Variants in ZNF254 observed in about 807,000 individuals in gnomAD.
ZNF254 encodes zinc finger protein 254, also known as CTD-2017D11.1.
A neutral mutation model predicts 12.4 loss-of-function variants in ZNF254; 10 were observed. The observed-to-expected ratio is 0.80, with a 90% CI of 0.50 to 1.36. The LOEUF is 1.36. Among genes scored for constraint, ZNF254 ranks in the 40% most tolerant of loss-of-function variants. ZNF254 has a pLI of 0.00. For synonymous variants in ZNF254, 305 were observed against 253.4 expected, an observed-to-expected ratio of 1.20 and a Z score of -1.93; for missense variants, 996 against 763.9, an observed-to-expected ratio of 1.30 and a Z score of -3.58.
At position 24,043,917 on chromosome 19, in the gene ZNF254, A is replaced by G. The variant is rs192213601; in HGVS notation, c.-189-2267A>G. Among the ~76,000 whole-genome samples the G allele has an allele frequency of 1.2e-3, 186 of 152,344 alleles. 2 individuals are homozygous for G. Among genetic ancestry groups the G allele is most frequent in the Non-Finnish European group, 6.3e-4 (43 of 68,030 alleles). On this transcript the variant is annotated intron_variant, in intron 1 of 4. Coordinates refer to the ZNF254 transcript ENST00000613065. ...ATATTGGCTCATAAGTCCTTTTGAG[A>G]TAAATTTCAAGTCAGATAAATAGGG... is the stretch of plus-strand genomic sequence containing the variant.
chr19:24,094,509 T>G (rs1972564437), intron 1 of ZNF254, among the ~76,000 whole-genome samples: 1 of 152,184 alleles, frequency 6.6e-6, no homozygotes, highest in Non-Finnish European at 1.5e-5. Context: ...GCCACCCACC[T>G]TGGCCTCCCA....
chr19:24,123,509 C>T (rs967932972), intron 3 of ZNF254, among the ~76,000 whole-genome samples: 2 of 152,008 alleles, frequency 1.3e-5, no homozygotes, highest in African/African-American at 2.4e-5. Flanking sequence ...ATTAAAATAT[C>T]TTGCTATAAT....
In ZNF254 at chr19:24,126,971, G is replaced by A; in HGVS notation, c.971G>A (p.Cys324Tyr). The part of the protein sequence containing the change: ...KIHTRKKPYK[C>Y]EECGKAFIWS... ...CATACTAGAAAGAAACCCTACAAGT[G>A]TGAAGAATGTGGCAAAGCATTTATA... The change falls in exon 4 of 4, where the codon TGT (cysteine) becomes TAT (tyrosine). Residue 324 changes from cysteine to tyrosine, a missense_variant. Cys to Tyr is a radical substitution (Grantham distance 194). Coordinates refer to ENST00000357002, the MANE Select transcript of ZNF254 (RefSeq NM_203282.4). 2 of 1,613,676 alleles carry A rather than the reference G, an allele frequency of 1.2e-6. No homozygotes were observed. Among genetic ancestry groups the A allele is most frequent in the South Asian group, 2.2e-5 (2 of 91,070 alleles).
At chr19:24,044,356 G>A (rs942596749) in intron 1 of ZNF254, among the ~76,000 whole-genome samples, 68 of 151,990 alleles carry the variant, frequency 4.5e-4, no homozygotes, top group Non-Finnish European at 6.2e-4. Context: ...GGCTAACATG[G>A]TGAAACCCCG....
At chr19:24,094,964 G>A (rs1474237072) in intron 1 of ZNF254, among the ~76,000 whole-genome samples, 2 of 152,182 alleles carry the variant, frequency 1.3e-5, no homozygotes, top group Non-Finnish European at 2.9e-5. Flanking sequence ...TGGAATTACA[G>A]GCATGAGCCA....
At chr19:24,068,714 C>T (rs2145471221) in intron 2 of ZNF254, among the ~76,000 whole-genome samples, 1 of 152,268 alleles carries the variant, frequency 6.6e-6, no homozygotes, top group East Asian at 1.9e-4. Context: ...TGTGACATAC[C>T]TTTAGATGAG....
intron 2 of ZNF254, among the ~76,000 whole-genome samples, chr19:24,052,798 C>T (rs904741690): frequency 6.6e-6 from 1 of 152,128 alleles, no homozygotes; most frequent in African/African-American, 2.4e-5. Flanking sequence ...GATTGTGATA[C>T]ATATCTTATC....
At chr19:24,106,244 C>G (rs184110801) in intron 2 of ZNF254, 178 bp downstream of exon 2, 4 of 829,622 alleles carry the variant, frequency 4.8e-6, no homozygotes, top group African/African-American at 1.8e-5. Context: ...TTCCACATTC[C>G]TGAGCTAATC....
intron 1 of ZNF254, among the ~76,000 whole-genome samples, chr19:24,043,051 C>G (rs1265001321): frequency 1.3e-5 from 2 of 151,900 alleles, no homozygotes; most frequent in Non-Finnish European, 2.9e-5. Flanking sequence ...CTTTGGAGAA[C>G]AAATCTCATT....
chr19:24,068,822 C>T (rs1175086193), intron 2 of ZNF254, among the ~76,000 whole-genome samples: 2 of 152,128 alleles, frequency 1.3e-5, no homozygotes, highest in Non-Finnish European at 2.9e-5. Context: ...GATTCTTATA[C>T]CTTGAACCAG....
chr19:24,118,992 AC>A (rs1357129546), intron 3 of ZNF254, among the ~76,000 whole-genome samples: 1 of 151,782 alleles, frequency 6.6e-6, no homozygotes, highest in Non-Finnish European at 1.5e-5. Context: ...GTGCGTGTAA[AC>A]CCAGGCTACT....
intron 3 of ZNF254, among the ~76,000 whole-genome samples, chr19:24,116,951 G>A (rs1413669275): frequency 6.6e-6 from 1 of 152,154 alleles, no homozygotes; most frequent in African/African-American, 2.4e-5. Flanking sequence ...GAGTTTGCTA[G>A]ATGTCCACTC....
intron 3 of ZNF254, among the ~76,000 whole-genome samples, chr19:24,115,282 C>G (rs1271816572): frequency 6.6e-6 from 1 of 152,036 alleles, no homozygotes; most frequent in African/African-American, 2.4e-5. Context: ...ACCCAAATGT[C>G]CAACAATGAT....
intron 1 of ZNF254, among the ~76,000 whole-genome samples, chr19:24,087,963 T>C (rs1972133610): frequency 6.9e-6 from 1 of 144,346 alleles, no homozygotes; most frequent in African/African-American, 2.5e-5. Flanking sequence ...TTGCTCAGGC[T>C]GGAGTGCAGT....
intron 1 of ZNF254, among the ~76,000 whole-genome samples, chr19:24,034,538 C>T (rs1261907067): frequency 7.3e-6 from 1 of 137,700 alleles, no homozygotes; most frequent in Non-Finnish European, 1.5e-5. Context: ...CATTCTGTCA[C>T]CCAGGCTGTA....
chr19:24,040,654 C>T (rs912573715), intron 1 of ZNF254, among the ~76,000 whole-genome samples: 1 of 152,128 alleles, frequency 6.6e-6, no homozygotes, highest in East Asian at 1.9e-4. Context: ...CGACACAATG[C>T]GAGTTTCCCA....
At chr19:24,115,825 G>T (rs1242487666) in intron 3 of ZNF254, among the ~76,000 whole-genome samples, 1 of 152,142 alleles carries the variant, frequency 6.6e-6, no homozygotes, top group Non-Finnish European at 1.5e-5. Flanking sequence ...ATTTTGCAGT[G>T]GCTGGTACCG....
intron 2 of ZNF254, among the ~76,000 whole-genome samples, chr19:24,059,150 T>C (rs11882020): frequency 0.011 from 1,646 of 152,338 alleles, 38 homozygotes; most frequent in African/African-American, 0.036. Flanking sequence ...GCCAAGGTGA[T>C]GTGTGTCTCC....
intron 1 of ZNF254, among the ~76,000 whole-genome samples, chr19:24,103,098 A>G (rs536704627): frequency 2.0e-5 from 3 of 152,330 alleles, no homozygotes; most frequent in Admixed American, 1.3e-4. Flanking sequence ...TGTTTTCCAA[A>G]TGCAGACTTA....
Sources: allele counts gnomAD v4.1 joint callset (sites outside exome capture counted in the v4.1 genomes callset), GRCh38; gene constraint gnomAD v4.1.1; transcripts MANE v1.5; gene names NCBI Gene and HGNC (gene_info 2026-07-23, HGNC 2026-07-21).